Variants in DOCK6 observed in about 807,000 individuals in gnomAD.
DOCK6 encodes the protein dedicator of cytokinesis protein 6.
Under a neutral mutation model 230.3 loss-of-function variants are expected in DOCK6, and 167 were observed. The ratio of observed to expected loss-of-function variants is 0.73; its 90% CI spans 0.64 to 0.82. The LOEUF (loss-of-function observed/expected upper bound fraction) is 0.82, where lower values mean the gene tolerates loss of function less well. DOCK6 is among the 40% of genes least tolerant of loss of function. The pLI, the probability that DOCK6 is intolerant of heterozygous loss-of-function variation, is 0.00. For synonymous variants in DOCK6, 1,148 were observed against 1,185.0 expected, an observed-to-expected ratio of 0.97 and a Z score of 0.64; for missense variants, 2,598 against 2,825.8, an observed-to-expected ratio of 0.92 and a Z score of 1.83.
chr19:11,239,997 G>T, intron 14 of DOCK6: 1 of 1,550,456 alleles, frequency 6.4e-7, no homozygotes, highest in South Asian at 1.2e-5. Context: ...TCGTGTCTAG[G>T]GTAACCAACC....
rs371193621 is a variant in DOCK6 at position 11,236,430 on chromosome 19, C to T, written c.2308G>A (p.Glu770Lys). The change falls in exon 20 of 48, where the codon GAA becomes AAA. Residue 770 changes from glutamate (E) to lysine (K), a missense_variant. Coordinates refer to ENST00000294618, the MANE Select transcript of DOCK6 (RefSeq NM_020812.4). This position sits in a 1 kb window ranked among gnomAD's most constrained non-coding sequence, Gnocchi z 5.2. ...SLAALRLASP[E>K]PLVAFSHHVL... ...TGGTGGGAGAAGGCCACAAGGGGTT[C>T]GGGGCTGGCCAGGCGCAGTGCTGCA... The T allele has an allele frequency of 5.7e-6, 9 of 1,589,150 alleles. No individual in the cohort carries two copies. Among genetic ancestry groups the T allele is most frequent in the Admixed American group, 5.4e-5 (3 of 56,012 alleles).
intron 21 of DOCK6, among the ~76,000 whole-genome samples, chr19:11,234,107 C>T (rs2079811330): frequency 6.6e-6 from 1 of 152,040 alleles, no homozygotes; most frequent in Non-Finnish European, 1.5e-5. Flanking sequence ...TTGTGTGATT[C>T]TCTTGCCTCA....
rs759448798 is a variant in DOCK6, at chr19:11,204,227, C to T, written c.5193G>A (p.Gln1731=). 4 of 1,570,090 alleles carry T rather than the reference C, an allele frequency of 2.5e-6. No homozygotes were observed. The highest frequency in any genetic ancestry group is 1.7e-6 in the Non-Finnish European group (2 of 1,156,056). The change falls in exon 40 of 48, where the codon CAG becomes CAA. Residue 1731 remains glutamine (Q), a synonymous_variant. Coordinates refer to ENST00000294618, the MANE Select transcript of DOCK6 (RefSeq NM_020812.4). ...GGTGCATGATCTTGGTGAAGGCCTC[C>T]TGCAGTTTGCCGTGCACCGCGGCCA... is the stretch of plus-strand genomic sequence containing the variant. ...KKLAAVHGKL[Q]EAFTKIMHQS... is the part of the protein sequence containing the mutation.
intron 24 of DOCK6, among the ~76,000 whole-genome samples, chr19:11,224,351 C>T (rs972217322): frequency 6.6e-6 from 1 of 151,750 alleles, no homozygotes; most frequent in African/African-American, 2.4e-5. Flanking sequence ...GCTGGGATTA[C>T]AGGTGCGCAC....
chr19:11,199,872 C>T lies in DOCK6; in HGVS notation c.6102-333G>A, dbSNP rs78115797. 8.3e-3 allele frequency among the ~76,000 whole-genome samples: 1,270 copies of T among 152,244 alleles called. 21 individuals are homozygous for T. The highest frequency in any genetic ancestry group is 0.029 in the African/African-American group (1,203 of 41,540). ...CAAAATTGAAGCCACCGCAGCCAGG[C>T]GTGGTGGTGGCTCATGCTGTAATTC... On this transcript the variant is annotated intron_variant, in intron 47 of 47. Transcript: ENST00000294618.
chr19:11,259,961 GCAA>G (rs1009922826), intron 1 of DOCK6, among the ~76,000 whole-genome samples: 8 of 138,766 alleles, frequency 5.8e-5, no homozygotes, highest in Non-Finnish European at 1.2e-4. Context: ...TCTGCTCACT[GCAA>G]CCTCCACCTC....
At position 11,213,205 on chromosome 19, in the gene DOCK6, G is replaced by A. The variant is rs372320102; in HGVS notation, c.4462C>T (p.Leu1488Phe). Residue 1488 changes from leucine (L) to phenylalanine (F), a missense_variant, in exon 35 of 48, where the codon CTC becomes TTC. Leu to Phe is a conservative substitution (Grantham distance 22, BLOSUM62 0). Coordinates refer to ENST00000294618, the MANE Select transcript of DOCK6 (RefSeq NM_020812.4). ...CCGATCTCGAAGTTCTGTCGCATGA[G>A]CAGGTACAGCGAGGCGCTGGCGTGC... ...RTHASASLYL[L>F]MRQNFEIGHN... 1.3e-4 allele frequency: 203 copies of A among 1,612,980 alleles called. No homozygotes were observed. The highest frequency in any genetic ancestry group is 1.6e-4 in the Non-Finnish European group (189 of 1,179,772).
At chr19:11,214,767 T>A in intron 32 of DOCK6, 118 bp from the exon 33 acceptor site, 1 of 888,266 alleles carries the variant, frequency 1.1e-6, no homozygotes, top group Non-Finnish European at 1.7e-6. Context: ...CTGTTCTGTT[T>A]TTTGTTTTTG....
intron 23 of DOCK6, 21 bp downstream of exon 23, chr19:11,228,919 G>A (rs1358792418): frequency 6.2e-7 from 1 of 1,612,764 alleles, no homozygotes; most frequent in Admixed American, 1.7e-5. Flanking sequence ...TTGCCACCAG[G>A]CAGGGAGGAG....
At chr19:11,234,693 G>A (rs1011104935) in intron 21 of DOCK6, among the ~76,000 whole-genome samples, 5 of 152,108 alleles carry the variant, frequency 3.3e-5, no homozygotes, top group Non-Finnish European at 7.4e-5. Context: ...GAGACTGTAG[G>A]TGGCAGGGCC....
rs114902682 is a variant in DOCK6 at position 11,242,080 on chromosome 19, G to C, written c.1608C>G (p.Pro536=). 2 of 1,547,194 alleles carry C rather than the reference G, an allele frequency of 1.3e-6. No homozygotes were observed. Among genetic ancestry groups the C allele is most frequent in the African/African-American group, 2.8e-5 (2 of 71,778 alleles). The part of the protein sequence containing the change: ...GRPTKEILEF[P]AREVYAPHTS... ...TATGGGGGGCATAGACTTCGCGGGC[G>C]GGGAACTCCAGAATCTCCTTGGTGG... The change falls in exon 14 of 48, where the codon CCC becomes CCG. Residue 536 remains proline (P), a synonymous_variant. Transcript: ENST00000294618.
intron 22 of DOCK6, chr19:11,232,249 G>T: frequency 2.3e-6 from 3 of 1,289,722 alleles, no homozygotes; most frequent in Non-Finnish European, 3.0e-6. Flanking sequence ...GCCTCCTGGA[G>T]CATAAGCGGA....
At chr19:11,240,363 T>C in intron 14 of DOCK6, 3 of 1,446,380 alleles carry the variant, frequency 2.1e-6, no homozygotes, top group Non-Finnish European at 2.7e-6. Flanking sequence ...CTTCTGCACC[T>C]TGAGTCCCAA....
intron 22 of DOCK6, 131 bp from the exon 23 acceptor site, chr19:11,229,166 G>C: frequency 8.3e-7 from 1 of 1,206,990 alleles, no homozygotes; most frequent in Non-Finnish European, 1.1e-6. Flanking sequence ...AGGAGGAGGG[G>C]GACAAGAGGA....
chr19:11,213,532 T>G (rs918471798), intron 34 of DOCK6, among the ~76,000 whole-genome samples: 2 of 152,136 alleles, frequency 1.3e-5, no homozygotes, highest in Admixed American at 6.5e-5. Flanking sequence ...GATTCTGCCT[T>G]CCTTCCACTG....
At chr19:11,226,984 C>G (rs1013417609) in intron 24 of DOCK6, among the ~76,000 whole-genome samples, 8 of 152,300 alleles carry the variant, frequency 5.3e-5, no homozygotes, top group African/African-American at 1.9e-4. Flanking sequence ...CTACTGTTAG[C>G]CCAAGCATGG....
At chr19:11,227,177 C>T (rs1200804022) in intron 24 of DOCK6, among the ~76,000 whole-genome samples, 160 bp downstream of exon 24, 2 of 152,250 alleles carry the variant, frequency 1.3e-5, no homozygotes, top group African/African-American at 4.8e-5. Flanking sequence ...GTGCACGTTA[C>T]AGGCACTTAA....
chr19:11,262,411 C>T lies in DOCK6; in HGVS notation c.30G>A (p.Ala10=). 7.9e-7 allele frequency: 1 copy of T among 1,273,246 alleles called. No homozygotes were observed. Among genetic ancestry groups the T allele is most frequent in the Non-Finnish European group, 9.9e-7 (1 of 1,008,922 alleles). 78.9% of individuals were successfully genotyped at this position (1,273,246 alleles called of 1,614,324 possible). Reference sequence around the variant, plus strand: ...GGCCACACTACCTGTTGATCTTGTGCGCGAAGGCGCGGCGCTCGGAGGCAG... The same window carrying T: ...GGCCACACTACCTGTTGATCTTGTGTGCGAAGGCGCGGCGCTCGGAGGCAG... The part of the protein sequence containing the change: MAASERRAF[A]HKINRTVAAE... The change falls in exon 1 of 48, where the codon GCG becomes GCA. Residue 10 remains alanine, a synonymous_variant. Transcript: ENST00000294618.
At chr19:11,216,276 TGG>T (rs886260371) in intron 30 of DOCK6, 1 of 193,758 alleles carries the variant, frequency 5.2e-6, no homozygotes, top group Non-Finnish European at 1.1e-5. Flanking sequence ...TTCGTAGAGA[TGG>T]GGTTTTACCA....
Sources: allele counts gnomAD v4.1 joint callset (sites outside exome capture counted in the v4.1 genomes callset), GRCh38; gene constraint gnomAD v4.1.1; non-coding constraint Gnocchi (gnomAD v3.1); transcripts MANE v1.5; gene names NCBI Gene and HGNC (gene_info 2026-07-23, HGNC 2026-07-21).